The following ZPBP variants were observed in gnomAD, a reference collection of about 807,000 sequenced individuals.
ZPBP encodes the protein zona pellucida-binding protein 1.
Under a neutral mutation model 44.8 loss-of-function variants are expected in ZPBP, and 26 were observed. The observed-to-expected ratio is 0.58, with a 90% CI of 0.43 to 0.81. The LOEUF is 0.81. Ranked by LOEUF, ZPBP falls within the 30% of genes least tolerant of loss-of-function variation. ZPBP has a pLI of 0.00. For missense variants in ZPBP, 409 were observed against 434.0 expected (o/e 0.94, Z 0.51); for synonymous variants, 174 against 153.2 (o/e 1.14, Z -1.00).
At chr7:49,889,509 G>A (rs1792038663) in intron 2 of ZPBP, among the ~76,000 whole-genome samples, 1 of 152,186 alleles carries the variant, frequency 6.6e-6, no homozygotes, top group Non-Finnish European at 1.5e-5. Context: ...ATTGAAATGG[G>A]TCCAGTGAAA....
intron 7 of ZPBP, among the ~76,000 whole-genome samples, chr7:49,939,184 G>A (rs963973992): frequency 6.6e-6 from 1 of 152,234 alleles, no homozygotes; most frequent in African/African-American, 2.4e-5. Flanking sequence ...GAACAAATAT[G>A]GAAATGTTGA....
chr7:50,029,526 T>G (rs1309914538), intron 5 of ZPBP, among the ~76,000 whole-genome samples: 1 of 152,114 alleles, frequency 6.6e-6, no homozygotes, highest in African/African-American at 2.4e-5. Context: ...ATTAAGAAAG[T>G]GAGGAAACAA....
At chr7:49,988,275 G>C (rs973391284) in intron 6 of ZPBP, among the ~76,000 whole-genome samples, 1 of 151,972 alleles carries the variant, frequency 6.6e-6, no homozygotes, top group African/African-American at 2.4e-5. Context: ...AGTGTTTTAA[G>C]CCTCTAACAT....
At chr7:49,956,722 A>T (rs1314539640) in intron 7 of ZPBP, among the ~76,000 whole-genome samples, 3 of 152,170 alleles carry the variant, frequency 2.0e-5, no homozygotes, top group African/African-American at 4.8e-5. Context: ...CACAAATCCT[A>T]TATTGAGCTA....
intron 1 of ZPBP, among the ~76,000 whole-genome samples, chr7:49,907,089 A>G (rs1379478454): frequency 2.0e-5 from 3 of 152,218 alleles, no homozygotes; most frequent in East Asian, 3.9e-4. Flanking sequence ...GTGGAGTGAT[A>G]AGCTGGGACA....
chr7:49,899,112 G>A (rs1792565139), intron 2 of ZPBP, among the ~76,000 whole-genome samples: 1 of 151,928 alleles, frequency 6.6e-6, no homozygotes, highest in Non-Finnish European at 1.5e-5. Flanking sequence ...CAGACACATA[G>A]ACTATCCCCC....
intron 7 of ZPBP, among the ~76,000 whole-genome samples, chr7:49,938,860 C>T (rs6583403): frequency 0.78 from 118,333 of 152,154 alleles, 46,183 homozygotes; most frequent in East Asian, 0.89. Flanking sequence ...ATCTAGTTCA[C>T]ACTATATTTT....
At chr7:50,087,470 A>G in intron 2 of ZPBP, among the ~76,000 whole-genome samples, 1 of 152,014 alleles carries the variant, frequency 6.6e-6, no homozygotes, top group Non-Finnish European at 1.5e-5. Flanking sequence ...CCCCTTTCAC[A>G]ATAAAAGAAC....
chr7:49,995,010 C>T (rs1035272689), intron 6 of ZPBP, among the ~76,000 whole-genome samples: 1 of 152,194 alleles, frequency 6.6e-6, no homozygotes, highest in East Asian at 1.9e-4. Context: ...ACATACCCTT[C>T]ACCCTATAAG....
At chr7:49,930,088 T>C (rs73347089) in intron 1 of ZPBP, among the ~76,000 whole-genome samples, 4,374 of 152,288 alleles carry the variant, frequency 0.029, 235 homozygotes, top group African/African-American at 0.1. Context: ...TGTTTCTTTC[T>C]GAATGGAAGG....
chr7:50,085,911 A>G (rs1410846352), intron 2 of ZPBP, among the ~76,000 whole-genome samples: 1 of 152,120 alleles, frequency 6.6e-6, no homozygotes, highest in Non-Finnish European at 1.5e-5. Context: ...TATTCTCAGT[A>G]AAGATGAAGA....
intron 2 of ZPBP, among the ~76,000 whole-genome samples, chr7:49,898,056 A>G (rs1453197804): frequency 6.6e-6 from 1 of 152,062 alleles, no homozygotes; most frequent in Non-Finnish European, 1.5e-5. Flanking sequence ...GAAGAGAAAT[A>G]CTCAACTTTA....
rs1159405423 is a variant in ZPBP, at chr7:49,983,667, C to G, written c.784-148G>C. On this transcript the variant is annotated intron_variant, in intron 6 of 7. Transcript: ENST00000046087. ...GCACTCACAGACTATAAATAAAACA[C>G]ACAAAACTGAAAAGATGTCATCTAT... 14 of 567,000 alleles carry G rather than the reference C, an allele frequency of 2.5e-5. No homozygotes were observed. The East Asian group carries it at 4.2e-4, about 17-fold the overall frequency. The allele number at this position is 567,000 out of a possible 1,614,324, so 35.1% of individuals were successfully genotyped here. A position where few individuals can be genotyped will look rare whatever the true frequency, so the allele number is the denominator to read the frequency against.
intron 1 of ZPBP, among the ~76,000 whole-genome samples, chr7:49,922,672 T>G (rs1306387694): frequency 6.6e-6 from 1 of 152,170 alleles, no homozygotes; most frequent in East Asian, 1.9e-4. Context: ...TTTTTGACAT[T>G]TCATGGAAAA....
intron 3 of ZPBP, among the ~76,000 whole-genome samples, chr7:50,058,390 T>C (rs996816184): frequency 1.5e-4 from 23 of 152,144 alleles, no homozygotes; most frequent in Non-Finnish European, 2.6e-4. Flanking sequence ...CTAACAAGGA[T>C]ACATACAGAA....
intron 1 of ZPBP, among the ~76,000 whole-genome samples, chr7:49,905,095 G>A (rs1363079012): frequency 6.6e-6 from 1 of 152,150 alleles, no homozygotes; most frequent in Non-Finnish European, 1.5e-5. Flanking sequence ...AATCACTTAA[G>A]ATGAAGAAAG....
At chr7:49,917,635 C>T (rs572463035) in intron 1 of ZPBP, 1 of 152,144 alleles carries the variant, frequency 6.6e-6, no homozygotes, top group African/African-American at 2.4e-5. Context: ...AATATTGCGA[C>T]TTTAGTTTTT....
downstream of ZPBP, among the ~76,000 whole-genome samples, chr7:49,845,519 T>A (rs1431134814): frequency 1.3e-5 from 2 of 152,158 alleles, no homozygotes; most frequent in Admixed American, 6.5e-5. Context: ...AAGGAATATA[T>A]CTGAGAGAGA....
chr7:49,842,908 T>C, the ZPBP span, among the ~76,000 whole-genome samples: 1 of 152,236 alleles, frequency 6.6e-6, no homozygotes, highest in African/African-American at 2.4e-5. Flanking sequence ...TTCCAACTTT[T>C]ATTTTTAGAT....
Sources: allele counts gnomAD v4.1 joint callset (sites outside exome capture counted in the v4.1 genomes callset), GRCh38; gene constraint gnomAD v4.1.1; transcripts MANE v1.5; gene names NCBI Gene and HGNC (gene_info 2026-07-23, HGNC 2026-07-21).